WDFY3: variants seen among roughly 807,000 people sequenced by gnomAD.
WDFY3 encodes the protein WD repeat and FYVE domain containing 3, also known as WD repeat and FYVE domain-containing protein 3.
A neutral mutation model predicts 409.6 loss-of-function variants in WDFY3; 66 were observed. The ratio of observed to expected loss-of-function variants is 0.16; its 90% confidence interval spans 0.13 to 0.20. WDFY3 has a LOEUF of 0.20. WDFY3 is among the 10% of genes least tolerant of loss of function. The pLI is 1.00. For missense variants in WDFY3, 3,031 were observed against 4,298.1 expected (o/e 0.71, Z 8.24); for synonymous variants, 1,521 against 1,537.1 (o/e 0.99, Z 0.25).
chr4:84,815,579 C>T (rs1326192327), intron 13 of WDFY3, among the ~76,000 whole-genome samples: 1 of 152,098 alleles, frequency 6.6e-6, no homozygotes, highest in Non-Finnish European at 1.5e-5. Context: ...AATTTCATTT[C>T]ATCTCCTTTT....
At chr4:84,709,664 T>C (rs2148991351) in intron 51 of WDFY3, among the ~76,000 whole-genome samples, 1 of 152,374 alleles carries the variant, frequency 6.6e-6, no homozygotes, top group South Asian at 2.1e-4. Context: ...ATATATATTT[T>C]TTACTCTAGG....
chr4:84,860,327 T>G, intron 4 of WDFY3, 85 bp downstream of exon 4: 2 of 1,414,298 alleles, frequency 1.4e-6, no homozygotes, highest in Admixed American at 4.8e-5. Flanking sequence ...TATCATTTTT[T>G]TCTACCTATG....
At chr4:84,827,059 T>C in intron 9 of WDFY3, 78 bp from the exon 10 acceptor site, 1 of 1,467,996 alleles carries the variant, frequency 6.8e-7, no homozygotes, top group South Asian at 1.3e-5. Flanking sequence ...ATTTTTCAAT[T>C]TTATATGCAG....
intron 13 of WDFY3, among the ~76,000 whole-genome samples, chr4:84,812,685 T>C (rs1752697113): frequency 6.6e-6 from 1 of 152,124 alleles, no homozygotes; most frequent in African/African-American, 2.4e-5. Flanking sequence ...CAAAATGCTA[T>C]CACTGGTTAG....
Position 84,851,396 on chromosome 4 carries a change from A to G in WDFY3, c.181-1371T>C, listed in dbSNP as rs149834613. On this transcript the variant is annotated intron_variant, in intron 4 of 67. Coordinates refer to ENST00000295888, the MANE Select transcript of WDFY3 (RefSeq NM_014991.6). Reference sequence around the variant, plus strand: ...CTCAACTTCATATTCTCCCAAGCCAACACTCTGCCTTTTATAGTAATGCTC... The same window carrying G: ...CTCAACTTCATATTCTCCCAAGCCAGCACTCTGCCTTTTATAGTAATGCTC... Among the ~76,000 whole-genome samples the G allele has an allele frequency of 5.1e-3, 782 of 152,280 alleles. 6 individuals carry two copies. Among genetic ancestry groups the G allele is most frequent in the African/African-American group, 0.018 (735 of 41,556 alleles).
chr4:84,928,507 T>TA (rs1327864173), intron 2 of WDFY3, among the ~76,000 whole-genome samples: 4 of 152,146 alleles, frequency 2.6e-5, no homozygotes, highest in Non-Finnish European at 5.9e-5. Flanking sequence ...TAACCCTGAC[T>TA]AAAACACTAT....
Position 84,900,311 on chromosome 4 carries a change from G to A in WDFY3, c.-131-3301C>T, listed in dbSNP as rs7654956. Among the ~76,000 whole-genome samples, 1,267 of 151,980 alleles carry A rather than the reference G, an allele frequency of 8.3e-3. 22 individuals are homozygous for A. The highest frequency in any genetic ancestry group is 0.029 in the African/African-American group (1,196 of 41,448). On this transcript the variant is annotated intron_variant, in intron 2 of 67. Transcript: ENST00000295888. Reference sequence around the variant, plus strand: ...TACAATCATAGCTCACTGCACCCTCGAACTACTGGACTCAAGCAATCCTCT... The same window carrying A: ...TACAATCATAGCTCACTGCACCCTCAAACTACTGGACTCAAGCAATCCTCT...
At chr4:84,949,877 G>C (rs1317734813) in intron 1 of WDFY3, among the ~76,000 whole-genome samples, 1 of 152,156 alleles carries the variant, frequency 6.6e-6, no homozygotes, top group Admixed American at 6.5e-5. Flanking sequence ...AAGTGCAGTA[G>C]ATAATAAAGA....
chr4:84,817,626 A>G, intron 12 of WDFY3, 41 bp from the exon 13 acceptor site: 2 of 1,529,286 alleles, frequency 1.3e-6, no homozygotes, highest in Non-Finnish European at 1.8e-6. Flanking sequence ...GCTACTTTAA[A>G]ATATTCTGAG....
chr4:84,847,038 A>T (rs996225361), intron 5 of WDFY3, among the ~76,000 whole-genome samples: 2 of 152,202 alleles, frequency 1.3e-5, no homozygotes, highest in South Asian at 2.1e-4. Flanking sequence ...TGTTCACTGA[A>T]AAGAGTAAGA....
chr4:84,755,151 C>A (rs1354123626), intron 34 of WDFY3, 115 bp downstream of exon 34: 1 of 1,437,756 alleles, frequency 7.0e-7, no homozygotes, highest in Non-Finnish European at 9.4e-7. Flanking sequence ...GTCTGAAGTT[C>A]CAGAGATCAT....
chr4:84,809,747 A>T, intron 14 of WDFY3, 140 bp downstream of exon 14: 1 of 777,702 alleles, frequency 1.3e-6, no homozygotes, highest in Non-Finnish European at 2.0e-6. Flanking sequence ...ATATTCAAAA[A>T]TAAAGTGATA....
At chr4:84,684,520 TC>T (rs1361498592) in intron 62 of WDFY3, among the ~76,000 whole-genome samples, 4 of 152,132 alleles carry the variant, frequency 2.6e-5, no homozygotes, top group Non-Finnish European at 5.9e-5. Flanking sequence ...GGAATCCACC[TC>T]CACTTTTACA....
Position 84,838,743 on chromosome 4 carries a change from T to C in WDFY3, c.415-1653A>G, listed in dbSNP as rs922937531. On this transcript the variant is annotated intron_variant, in intron 6 of 67. Transcript: ENST00000295888. The stretch of plus-strand genomic sequence containing the variant: ...TTATTTCTTAACACTTATGTTACCA[T>C]ACATTTAATGTTCAGTTTAAACATC... Among the ~76,000 whole-genome samples the C allele has an allele frequency of 5.9e-5, 9 of 152,240 alleles. No homozygotes were observed. In the South Asian group the frequency reaches 1.7e-3, roughly 28 times the overall value.
rs531147797 is a variant in WDFY3, at chr4:84,864,427, G to A, written c.-31-3805C>T. 1.1e-3 allele frequency among the ~76,000 whole-genome samples: 169 copies of A among 150,076 alleles called. 2 individuals carry two copies. The highest frequency in any genetic ancestry group is 3.9e-3 in the African/African-American group (158 of 40,836). ...TACTGGAATTTTTGATAAGGATTACGCTTAATCTACAGATCATTTTCGGTA... is the reference window on the plus strand; with the variant it reads ...TACTGGAATTTTTGATAAGGATTACACTTAATCTACAGATCATTTTCGGTA... On this transcript the variant is annotated intron_variant, in intron 3 of 67. Coordinates refer to ENST00000295888, the MANE Select transcript of WDFY3 (RefSeq NM_014991.6).
Position 84,773,035 on chromosome 4 carries a change from C to CTT in WDFY3, c.4755-108_4755-107dup, listed in dbSNP as rs371430227. On this transcript the variant is annotated intron_variant, in intron 29 of 67. Transcript: ENST00000295888. ...ACAAAGAATAAAAACCAAAACAGTA[C>CTT]TTTTTTTTTTTTTCATAATCTCATT... 566 of 587,720 alleles carry CTT rather than the reference C, an allele frequency of 9.6e-4. 1 individual carries two copies. The highest frequency in any genetic ancestry group is 1.1e-3 in the East Asian group (25 of 22,642). 36.4% of individuals were successfully genotyped at this position (587,720 alleles called of 1,614,324 possible). A position where few individuals can be genotyped will look rare whatever the true frequency, so the allele number is the denominator to read the frequency against.
Position 84,795,074 on chromosome 4 carries a change from T to C in WDFY3, c.3168-95A>G, listed in dbSNP as rs1749152742. The C allele has an allele frequency of 7.3e-6, 6 of 822,852 alleles. No individual in the cohort carries two copies. In the East Asian group the frequency reaches 1.3e-4, roughly 18 times the overall value. The allele number at this position is 822,852 out of a possible 1,614,324, so 51.0% of individuals were successfully genotyped here. Reference sequence around the variant, plus strand: ...CAGTGAAATAACTGCCAGTATTTAATGGTGACTAGAGAAAAGATCATGGAA... The same window carrying C: ...CAGTGAAATAACTGCCAGTATTTAACGGTGACTAGAGAAAAGATCATGGAA... On this transcript the variant is annotated intron_variant, in intron 19 of 67. Transcript: ENST00000295888.
At chr4:84,880,674 C>CACAT (rs1218696740) in intron 3 of WDFY3, among the ~76,000 whole-genome samples, 9 of 50,358 alleles carry the variant, frequency 1.8e-4, no homozygotes, top group Non-Finnish European at 2.4e-4. Flanking sequence ...GGGAACCATA[C>CACAT]ATATATATAT....
chr4:84,696,678 A>C, intron 57 of WDFY3, 54 bp downstream of exon 57: 1 of 1,563,802 alleles, frequency 6.4e-7, no homozygotes, highest in Non-Finnish European at 8.8e-7. Context: ...TCTTTGTATT[A>C]TGTTCAATGA....
Sources: allele counts gnomAD v4.1 joint callset (sites outside exome capture counted in the v4.1 genomes callset), GRCh38; gene constraint gnomAD v4.1.1; transcripts MANE v1.5; gene names NCBI Gene and HGNC (gene_info 2026-07-23, HGNC 2026-07-21).